The following KCNN2 variants were observed in gnomAD, a reference collection of about 807,000 sequenced individuals.
KCNN2 encodes potassium calcium-activated channel subfamily N member 2, also known as small conductance calcium-activated potassium channel protein 2.
A neutral mutation model predicts 55.5 loss-of-function variants in KCNN2; 24 were observed. The observed-to-expected ratio is 0.43, with a 90% CI of 0.31 to 0.61. The LOEUF (loss-of-function observed/expected upper bound fraction) is 0.61. Among genes scored for constraint, KCNN2 ranks in the 20% least tolerant of loss-of-function variants. KCNN2 has a pLI of 0.08. For missense variants in KCNN2, 754 were observed against 853.6 expected, an observed-to-expected ratio of 0.88 and a Z score of 1.45; for synonymous variants, 431 against 336.1, an observed-to-expected ratio of 1.28 and a Z score of -3.09.
intron 2 of KCNN2, among the ~76,000 whole-genome samples, chr5:114,306,695 T>C (rs1723793274): frequency 8.7e-6 from 1 of 115,270 alleles, no homozygotes; most frequent in Non-Finnish European, 1.8e-5. Context: ...AAATTTTTTT[T>C]TTTTCTTTTT....
At chr5:114,166,303 C>G (rs2112537804) in intron 1 of KCNN2, among the ~76,000 whole-genome samples, 1 of 152,216 alleles carries the variant, frequency 6.6e-6, no homozygotes, top group Admixed American at 6.5e-5. Context: ...CCATAACAAC[C>G]AAGAACAGCT....
chr5:114,370,536 C>G (rs1299230726), intron 2 of KCNN2, among the ~76,000 whole-genome samples: 1 of 151,978 alleles, frequency 6.6e-6, no homozygotes, highest in South Asian at 2.1e-4. Context: ...TGGGAGGCAA[C>G]AGTTGCATAC....
At chr5:114,412,500 TA>T (rs1472233807) in intron 3 of KCNN2, among the ~76,000 whole-genome samples, 1 of 152,242 alleles carries the variant, frequency 6.6e-6, no homozygotes, top group Admixed American at 6.5e-5. Context: ...CAGTGTTTTT[TA>T]TCTGTTTATA....
At chr5:114,142,234 A>G (rs1752299847) in intron 1 of KCNN2, among the ~76,000 whole-genome samples, 1 of 152,170 alleles carries the variant, frequency 6.6e-6, no homozygotes, top group South Asian at 2.1e-4. Context: ...GGTATTACCT[A>G]GGTTTTCTTC....
At chr5:114,108,842 G>A (rs1337110403) in intron 1 of KCNN2, among the ~76,000 whole-genome samples, 1 of 152,044 alleles carries the variant, frequency 6.6e-6, no homozygotes, top group Non-Finnish European at 1.5e-5. Flanking sequence ...TTATATAAAA[G>A]CCATTTTGTG....
intron 2 of KCNN2, among the ~76,000 whole-genome samples, chr5:114,386,668 T>A (rs1470849813): frequency 6.6e-6 from 1 of 152,170 alleles, no homozygotes; most frequent in Non-Finnish European, 1.5e-5. Context: ...GAGCCAAGAT[T>A]TATTTCTCTC....
intron 2 of KCNN2, among the ~76,000 whole-genome samples, chr5:114,356,753 A>G (rs922957774): frequency 2.0e-5 from 3 of 152,178 alleles, no homozygotes; most frequent in African/African-American, 4.8e-5. Context: ...AAGTATGAAG[A>G]ACACATATAA....
At chr5:114,270,482 G>C (rs1755305278) in intron 2 of KCNN2, among the ~76,000 whole-genome samples, 1 of 152,126 alleles carries the variant, frequency 6.6e-6, no homozygotes, top group Non-Finnish European at 1.5e-5. Flanking sequence ...TACTATAAAA[G>C]CTGAATTATC....
intron 3 of KCNN2, among the ~76,000 whole-genome samples, chr5:114,419,965 T>C (rs897597356): frequency 6.6e-6 from 1 of 152,214 alleles, no homozygotes; most frequent in Non-Finnish European, 1.5e-5. Context: ...GAGGCTATAC[T>C]CCAGCCTGGG....
chr5:114,435,541 T>C (rs1759973735), intron 3 of KCNN2, among the ~76,000 whole-genome samples: 2 of 152,118 alleles, frequency 1.3e-5, no homozygotes, highest in African/African-American at 2.4e-5. Context: ...ACAAAACTCC[T>C]TTTGAAAGCA....
At chr5:114,396,524 A>G (rs1758623262) in intron 2 of KCNN2, among the ~76,000 whole-genome samples, 1 of 151,306 alleles carries the variant, frequency 6.6e-6, no homozygotes, top group Non-Finnish European at 1.5e-5. Flanking sequence ...TGTAATAAGC[A>G]TATAAGCATA....
At chr5:114,181,274 T>C (rs1490952430) in intron 1 of KCNN2, among the ~76,000 whole-genome samples, 1 of 152,226 alleles carries the variant, frequency 6.6e-6, no homozygotes, top group Non-Finnish European at 1.5e-5. Context: ...TTTGTTCTCG[T>C]GAGTCTTTAA....
At chr5:114,326,100 T>G (rs1362301744) in intron 2 of KCNN2, among the ~76,000 whole-genome samples, 2 of 152,166 alleles carry the variant, frequency 1.3e-5, no homozygotes, top group African/African-American at 4.8e-5. Context: ...GCTTTCAGAA[T>G]TTGGAAGATT....
At chr5:114,184,898 C>A (rs1331552871) in intron 1 of KCNN2, among the ~76,000 whole-genome samples, 1 of 152,152 alleles carries the variant, frequency 6.6e-6, no homozygotes, top group African/African-American at 2.4e-5. Flanking sequence ...GTTTTTGTAA[C>A]ATGTCTGTGT....
chr5:114,148,957 G>A (rs969938993), intron 1 of KCNN2, among the ~76,000 whole-genome samples: 2 of 152,106 alleles, frequency 1.3e-5, no homozygotes, highest in Admixed American at 1.3e-4. Flanking sequence ...AGCCCAGTCA[G>A]CCCAACCAGA....
intron 3 of KCNN2, among the ~76,000 whole-genome samples, chr5:114,459,181 A>AATGTTTTT (rs1255180369): frequency 3.3e-5 from 5 of 152,260 alleles, no homozygotes; most frequent in African/African-American, 1.2e-4. Flanking sequence ...TTGATCTTAC[A>AATGTTTTT]GTCTTTGTCT....
chr5:114,364,012 T>C lies in KCNN2; in HGVS notation c.1218+11T>C, dbSNP rs1757530159. ...GCCAGGGAAATACAGGTAACTTAGG[T>C]CCTGCTGTTTATGAATGACCCAAAG... On this transcript the variant is annotated intron_variant, in intron 2 of 7. Transcript: ENST00000673685. The C allele has an allele frequency of 2.5e-6, 4 of 1,599,836 alleles. No homozygotes were observed. The East Asian group carries it at 8.9e-5, about 36-fold the overall frequency.
Position 114,219,334 on chromosome 5 carries a change from C to G in KCNN2, c.-270-2146C>G, listed in dbSNP as rs1002779552. Among the ~76,000 whole-genome samples, 5 of 152,264 alleles carry G rather than the reference C, an allele frequency of 3.3e-5. No individual in the cohort carries two copies. In the East Asian group the frequency reaches 9.7e-4, roughly 29 times the overall value. On this transcript the variant is annotated intron_variant, in intron 1 of 10. Transcript: ENST00000512097. ...CCTTTTGTATCTGCACTCATGGCTC[C>G]CAAGCTCTTGTCTGGTATCCAGGAA...
At chr5:114,432,769 A>G (rs1439188298) in intron 3 of KCNN2, among the ~76,000 whole-genome samples, 1 of 152,160 alleles carries the variant, frequency 6.6e-6, no homozygotes, top group Admixed American at 6.5e-5. Context: ...CAGGCCGCGC[A>G]CGCCGAGCAG....
Sources: allele counts gnomAD v4.1 joint callset (sites outside exome capture counted in the v4.1 genomes callset), GRCh38; gene constraint gnomAD v4.1.1; transcripts MANE v1.5; gene names NCBI Gene and HGNC (gene_info 2026-07-23, HGNC 2026-07-21).